Variants in KCNIP4 observed in about 807,000 individuals in gnomAD.
KCNIP4 encodes the protein Kv channel-interacting protein 4.
In KCNIP4, 12 loss-of-function variants were observed where a neutral mutation model predicts 34.0. The observed-to-expected ratio is 0.35, with a 90% CI of 0.23 to 0.57. The LOEUF (loss-of-function observed/expected upper bound fraction) is 0.57, where lower values mean the gene tolerates loss of function less well. Ranked by LOEUF, KCNIP4 falls within the 20% of genes least tolerant of loss-of-function variation. The pLI, the probability that KCNIP4 is intolerant of heterozygous loss-of-function variation, is 0.83. For missense variants in KCNIP4, 238 were observed against 311.7 expected (o/e 0.76, Z 1.78); for synonymous variants, 124 against 102.2 (o/e 1.21, Z -1.29).
chr4:21,435,302 T>G (rs1726853607), intron 1 of KCNIP4, among the ~76,000 whole-genome samples: 2 of 152,196 alleles, frequency 1.3e-5, no homozygotes, highest in Admixed American at 6.5e-5. Flanking sequence ...GATATGACTA[T>G]GGGTTACATT....
intron 1 of KCNIP4, among the ~76,000 whole-genome samples, chr4:21,409,429 TC>T (rs1724295359): frequency 6.6e-6 from 1 of 152,140 alleles, no homozygotes; most frequent in Non-Finnish European, 1.5e-5. Flanking sequence ...TGTTTGTGGA[TC>T]CGCTTTTCTG....
chr4:21,432,115 T>TATAC (rs1362766195), intron 1 of KCNIP4, among the ~76,000 whole-genome samples: 1 of 111,428 alleles, frequency 9.0e-6, no homozygotes, highest in East Asian at 2.8e-4. Flanking sequence ...TATATATATA[T>TATAC]ATATATATAT....
chr4:21,041,963 C>T (rs1236802967), intron 1 of KCNIP4, among the ~76,000 whole-genome samples: 1 of 152,132 alleles, frequency 6.6e-6, no homozygotes, highest in Non-Finnish European at 1.5e-5. Context: ...GACAAAATAC[C>T]TAACTTTCTT....
intron 1 of KCNIP4, among the ~76,000 whole-genome samples, chr4:21,765,322 C>T (rs1468747462): frequency 2.6e-5 from 4 of 151,542 alleles, no homozygotes; most frequent in Admixed American, 2.6e-4. Context: ...TTTTATTGGG[C>T]CACTGGAGTG....
intron 1 of KCNIP4, among the ~76,000 whole-genome samples, chr4:21,567,873 T>C (rs975880480): frequency 9.9e-5 from 15 of 152,132 alleles, no homozygotes; most frequent in African/African-American, 2.2e-4. Context: ...TTAACATTTT[T>C]CTAGGTACCA....
At chr4:20,946,450 T>C (rs1732198189) in intron 1 of KCNIP4, among the ~76,000 whole-genome samples, 1 of 152,108 alleles carries the variant, frequency 6.6e-6, no homozygotes, top group African/African-American at 2.4e-5. Flanking sequence ...TTAGCAAGGT[T>C]GAGCTAGGTT....
At chr4:21,234,292 TTATATATAACATATATAACA>T (rs1759132435) in intron 1 of KCNIP4, among the ~76,000 whole-genome samples, 2 of 99,602 alleles carry the variant, frequency 2.0e-5, no homozygotes, top group Non-Finnish European at 3.6e-5. Context: ...ATAACATATA[TTATATATAACATATATAACA>T]TATATATAAC....
intron 1 of KCNIP4, among the ~76,000 whole-genome samples, chr4:20,973,944 T>C (rs1735230494): frequency 6.6e-6 from 1 of 152,134 alleles, no homozygotes; most frequent in African/African-American, 2.4e-5. Flanking sequence ...TCTCTAGTAA[T>C]ACCAAAGATC....
At chr4:20,862,542 G>GT (rs1722315250) in intron 2 of KCNIP4, among the ~76,000 whole-genome samples, 1 of 152,140 alleles carries the variant, frequency 6.6e-6, no homozygotes, top group Non-Finnish European at 1.5e-5. Flanking sequence ...GCAATGGTAT[G>GT]TGGAGAGAGA....
intron 1 of KCNIP4, among the ~76,000 whole-genome samples, chr4:21,323,654 CCATTTGTTTTTGATAGACA>C (rs1714730352): frequency 6.6e-6 from 1 of 151,944 alleles, no homozygotes; most frequent in Non-Finnish European, 1.5e-5. Context: ...TTTCCTTTAT[CCATTTGTTTTTGATAGACA>C]CATAAGTAGC....
chr4:21,593,371 G>A (rs1742375250), intron 1 of KCNIP4, among the ~76,000 whole-genome samples: 1 of 152,104 alleles, frequency 6.6e-6, no homozygotes, highest in South Asian at 2.1e-4. Flanking sequence ...GACAGAGTGG[G>A]AACCTCCGAG....
At chr4:21,256,942 T>C (rs1232649496) in intron 1 of KCNIP4, among the ~76,000 whole-genome samples, 1 of 152,210 alleles carries the variant, frequency 6.6e-6, no homozygotes, top group East Asian at 1.9e-4. Flanking sequence ...TGCGTACTTG[T>C]TGTTTTCCAT....
At chr4:21,119,519 A>G (rs1481515446) in intron 1 of KCNIP4, among the ~76,000 whole-genome samples, 2 of 150,640 alleles carry the variant, frequency 1.3e-5, no homozygotes, top group East Asian at 2.0e-4. Context: ...AATTTCTACA[A>G]TTATTCAACA....
chr4:21,551,134 G>A (rs1271744247), intron 1 of KCNIP4, among the ~76,000 whole-genome samples: 2 of 151,812 alleles, frequency 1.3e-5, no homozygotes, highest in Non-Finnish European at 2.9e-5. Flanking sequence ...TGAATAAATT[G>A]CTGCATATAA....
rs371421235 is a variant in KCNIP4 at position 20,842,144 on chromosome 4, CT to C, written c.288+8398del. Among the ~76,000 whole-genome samples, 28 of 152,186 alleles carry C rather than the reference CT, an allele frequency of 1.8e-4. No individual in the cohort carries two copies. In the East Asian group the frequency reaches 5.4e-3, roughly 29 times the overall value. ...CAAACTCTAAAGAAAAATTACCTGT[CT>C]TTTTTTGTCAGTGTATCCTAAATAC... is the stretch of plus-strand genomic sequence containing the variant. On this transcript the variant is annotated intron_variant, in intron 3 of 8. Coordinates refer to ENST00000382152, the MANE Select transcript of KCNIP4 (RefSeq NM_025221.6).
intron 3 of KCNIP4, among the ~76,000 whole-genome samples, chr4:20,803,703 AAG>A (rs57764706): frequency 0.1 from 12,979 of 125,514 alleles, 1,136 homozygotes; most frequent in African/African-American, 0.23. Flanking sequence ...GAGAGAGAGA[AAG>A]AGAGAGAGAG....
chr4:20,821,200 T>A (rs1006037393), intron 3 of KCNIP4, among the ~76,000 whole-genome samples: 2 of 152,318 alleles, frequency 1.3e-5, no homozygotes, highest in East Asian at 3.9e-4. Flanking sequence ...AGGCAGGACA[T>A]GGAGTCAAAG....
chr4:21,120,267 CA>C (rs968738696), intron 1 of KCNIP4, among the ~76,000 whole-genome samples: 2 of 152,194 alleles, frequency 1.3e-5, no homozygotes, highest in Non-Finnish European at 2.9e-5. Context: ...GCAAATATCA[CA>C]GACTAGGGGG....
At chr4:21,141,894 G>A (rs1751980719) in intron 1 of KCNIP4, among the ~76,000 whole-genome samples, 1 of 151,670 alleles carries the variant, frequency 6.6e-6, no homozygotes, top group Non-Finnish European at 1.5e-5. Flanking sequence ...GCTCAAGTCT[G>A]TAATCCCAGC....
Sources: gnomAD v4.1 joint callset for allele counts (sites outside exome capture counted in the v4.1 genomes callset) on GRCh38, gnomAD v4.1.1 for gene constraint, MANE v1.5 for transcripts, NCBI Gene and HGNC (gene_info 2026-07-23, HGNC 2026-07-21) for gene names.